Variants in COBLL1 observed in about 807,000 individuals in gnomAD.
The protein encoded by COBLL1 is cordon-bleu protein-like 1.
COBLL1 carries 50 observed loss-of-function variants against 94.8 expected under a neutral mutation model. That is an observed-to-expected ratio of 0.53 (90% confidence interval 0.42 to 0.67). The LOEUF (loss-of-function observed/expected upper bound fraction) is 0.67, where lower values mean the gene tolerates loss of function less well. COBLL1 is among the 30% of genes least tolerant of loss of function. COBLL1 has a pLI of 0.00. For missense variants in COBLL1, 1,362 were observed against 1,348.7 expected, an observed-to-expected ratio of 1.01 and a Z score of -0.15; for synonymous variants, 448 against 473.8, an observed-to-expected ratio of 0.95 and a Z score of 0.71.
chr2:164,707,800 A>T (rs915731379), intron 7 of COBLL1, among the ~76,000 whole-genome samples: 1 of 152,238 alleles, frequency 6.6e-6, no homozygotes, highest in African/African-American at 2.4e-5. Context: ...CTAGTCTTAC[A>T]AGACAACGTA....
chr2:164,784,356 T>C (rs1688849254), intron 2 of COBLL1, among the ~76,000 whole-genome samples: 1 of 152,232 alleles, frequency 6.6e-6, no homozygotes, highest in Non-Finnish European at 1.5e-5. Flanking sequence ...TCTATTTTTA[T>C]ATCTGCATTT....
At chr2:164,704,875 C>T in intron 8 of COBLL1, 77 bp downstream of exon 8, 1 of 1,353,550 alleles carries the variant, frequency 7.4e-7, no homozygotes, top group Non-Finnish European at 1.0e-6. Context: ...GCATAACTTA[C>T]ATACCCATAT....
chr2:164,672,705 C>CA (rs1187183800), intron 1 of COBLL1, among the ~76,000 whole-genome samples: 1,540 of 61,330 alleles, frequency 0.025, 55 homozygotes, highest in African/African-American at 0.047. Context: ...GACTCCGTCT[C>CA]AAAAAAAAAA....
intron 2 of COBLL1, among the ~76,000 whole-genome samples, chr2:164,835,614 C>T (rs888681110): frequency 2.6e-5 from 4 of 152,100 alleles, no homozygotes; most frequent in Admixed American, 2.0e-4. Context: ...ACCACTGAAC[C>T]ATGCAGTTAA....
At chr2:164,763,709 A>G (rs925964490) in intron 2 of COBLL1, among the ~76,000 whole-genome samples, 1 of 152,338 alleles carries the variant, frequency 6.6e-6, no homozygotes, top group East Asian at 1.9e-4. Flanking sequence ...AAAGAAAATA[A>G]GTGCTTTTAG....
intron 7 of COBLL1, among the ~76,000 whole-genome samples, chr2:164,713,114 T>C (rs1684988248): frequency 6.6e-6 from 1 of 152,132 alleles, no homozygotes; most frequent in African/African-American, 2.4e-5. Flanking sequence ...CTTTTCCTCT[T>C]TGGATGGCAC....
At chr2:164,674,948 G>T (rs1345790474) in intron 1 of COBLL1, among the ~76,000 whole-genome samples, 3 of 152,156 alleles carry the variant, frequency 2.0e-5, no homozygotes, top group Non-Finnish European at 4.4e-5. Context: ...TCATATCTGT[G>T]ACATTGTGTT....
intron 2 of COBLL1, among the ~76,000 whole-genome samples, chr2:164,799,937 T>C (rs1291823360): frequency 6.6e-6 from 1 of 152,146 alleles, no homozygotes; most frequent in African/African-American, 2.4e-5. Context: ...TAACAAAAAT[T>C]AACTCAAAAT....
chr2:164,672,035 A>T (rs1236005661), intron 1 of COBLL1, among the ~76,000 whole-genome samples: 1 of 152,216 alleles, frequency 6.6e-6, no homozygotes, highest in South Asian at 2.1e-4. Flanking sequence ...CATAAAATGT[A>T]TTGATAGAGG....
chr2:164,790,552 G>T, intron 2 of COBLL1, among the ~76,000 whole-genome samples: 1 of 152,088 alleles, frequency 6.6e-6, no homozygotes, highest in East Asian at 1.9e-4. Context: ...TAGTAAAACT[G>T]GTTTCCTTAT....
intron 2 of COBLL1, among the ~76,000 whole-genome samples, chr2:164,836,808 A>C (rs1344201968): frequency 2.6e-5 from 4 of 152,210 alleles, no homozygotes; most frequent in Admixed American, 6.5e-5. Context: ...AATGATTCTC[A>C]AATCTGGTCA....
intron 3 of COBLL1, among the ~76,000 whole-genome samples, chr2:164,734,471 G>C (rs1686192279): frequency 6.6e-6 from 1 of 152,186 alleles, no homozygotes; most frequent in South Asian, 2.1e-4. Flanking sequence ...AGATTTTACT[G>C]AGTGAGACAG....
intron 2 of COBLL1, among the ~76,000 whole-genome samples, chr2:164,781,898 G>A (rs1688738845): frequency 6.6e-6 from 1 of 152,086 alleles, no homozygotes; most frequent in Non-Finnish European, 1.5e-5. Context: ...GCTTTTTAGA[G>A]AAATTGTAAA....
rs1472250750 is a variant in COBLL1, at chr2:164,681,065, G to A, written c.*4881C>T. The A allele has an allele frequency of 6.6e-6, 1 of 152,206 alleles. No homozygotes were observed. The highest frequency in any genetic ancestry group is 1.5e-5 in the Non-Finnish European group (1 of 68,044). The allele number at this position is 152,206 out of a possible 1,614,324, so 9.4% of individuals were successfully genotyped here. ...AGTAAGTCATCTGTGAGATTCTGGA[G>A]GAAACAGCGTTGTGGAACTGAACAG... On this transcript the variant is annotated 3_prime_UTR_variant, in exon 14 of 14. Coordinates refer to ENST00000652658, the MANE Select transcript of COBLL1 (RefSeq NM_001365672.2).
chr2:164,820,106 T>C (rs192273861), intron 2 of COBLL1, among the ~76,000 whole-genome samples: 2 of 105,800 alleles, frequency 1.9e-5, no homozygotes, highest in African/African-American at 7.6e-5. Context: ...AGTGCTGGGA[T>C]TACAGGTGTG....
intron 11 of COBLL1, chr2:164,697,284 C>A (rs1022200165): frequency 3.3e-5 from 5 of 151,976 alleles, no homozygotes; most frequent in African/African-American, 1.2e-4. Flanking sequence ...AACTGAGTAT[C>A]AGAATACGTA....
At chr2:164,834,380 TAA>T (rs935530292) in intron 2 of COBLL1, among the ~76,000 whole-genome samples, 3 of 152,172 alleles carry the variant, frequency 2.0e-5, no homozygotes, top group African/African-American at 7.2e-5. Flanking sequence ...TTATAAATGT[TAA>T]AAGTCTAAAA....
At chr2:164,799,326 C>A (rs1683643514) in intron 2 of COBLL1, among the ~76,000 whole-genome samples, 1 of 152,014 alleles carries the variant, frequency 6.6e-6, no homozygotes, top group Non-Finnish European at 1.5e-5. Context: ...GATTGAAAGC[C>A]ACAAATACTT....
chr2:164,778,990 G>A (rs758562314), intron 2 of COBLL1, among the ~76,000 whole-genome samples: 2 of 152,108 alleles, frequency 1.3e-5, no homozygotes, highest in African/African-American at 2.4e-5. Flanking sequence ...GAAATTACAG[G>A]AGGAAGACAA....
Sources: gnomAD v4.1 joint callset for allele counts (sites outside exome capture counted in the v4.1 genomes callset) on GRCh38, gnomAD v4.1.1 for gene constraint, MANE v1.5 for transcripts, NCBI Gene and HGNC (gene_info 2026-07-23, HGNC 2026-07-21) for gene names.